KLHL32: variants seen among roughly 807,000 people sequenced by gnomAD.
KLHL32 encodes kelch like family member 32.
A neutral mutation model predicts 64.8 loss-of-function variants in KLHL32; 35 were observed. The observed-to-expected ratio is 0.54, with a 90% confidence interval of 0.41 to 0.72. The LOEUF (loss-of-function observed/expected upper bound fraction) is 0.72. KLHL32 is among the 30% of genes least tolerant of loss of function. The probability of loss-of-function intolerance (pLI) is 0.00; values close to 1 mark genes in which losing one functional copy is unlikely to be tolerated. For synonymous variants in KLHL32, 259 were observed against 281.0 expected, an observed-to-expected ratio of 0.92 and a Z score of 0.78; for missense variants, 589 against 768.5, an observed-to-expected ratio of 0.77 and a Z score of 2.76.
chr6:97,005,047 G>A (rs1260391343), intron 3 of KLHL32, among the ~76,000 whole-genome samples: 1 of 152,030 alleles, frequency 6.6e-6, no homozygotes, highest in African/African-American at 2.4e-5. Flanking sequence ...AATAGTTTTA[G>A]TGGGAATGGT....
At chr6:97,109,923 T>A (rs190609199) in intron 6 of KLHL32, among the ~76,000 whole-genome samples, 1 of 152,182 alleles carries the variant, frequency 6.6e-6, no homozygotes, top group Non-Finnish European at 1.5e-5. Flanking sequence ...GTTTCAGAAA[T>A]TTTTCCCTGG....
At chr6:97,126,275 A>G (rs553043390) in intron 7 of KLHL32, among the ~76,000 whole-genome samples, 8 of 152,036 alleles carry the variant, frequency 5.3e-5, no homozygotes, top group African/African-American at 1.9e-4. Context: ...CTTTGGTCCC[A>G]TATCCTTGAT....
At chr6:96,946,470 T>G (rs1771931395) in intron 1 of KLHL32, among the ~76,000 whole-genome samples, 1 of 152,212 alleles carries the variant, frequency 6.6e-6, no homozygotes, top group Non-Finnish European at 1.5e-5. Context: ...CCCAAGAACC[T>G]AGAAGTGCCT....
chr6:97,010,614 A>G (rs1347123701), intron 3 of KLHL32, among the ~76,000 whole-genome samples: 4 of 152,210 alleles, frequency 2.6e-5, no homozygotes, highest in African/African-American at 7.2e-5. Context: ...AGGAACCACA[A>G]AAGTGTTTTC....
intron 3 of KLHL32, among the ~76,000 whole-genome samples, chr6:96,991,030 C>T (rs1200627895): frequency 6.6e-6 from 1 of 152,052 alleles, no homozygotes; most frequent in African/African-American, 2.4e-5. Flanking sequence ...GGTGACTGCA[C>T]TACTGGCCCT....
the KLHL32 span, among the ~76,000 whole-genome samples, chr6:96,903,894 G>A: frequency 6.6e-6 from 1 of 152,110 alleles, no homozygotes; most frequent in African/African-American, 2.4e-5. Flanking sequence ...AAGGAAATAA[G>A]AATTATAAAT....
chr6:96,992,612 G>A (rs139796112), intron 3 of KLHL32, among the ~76,000 whole-genome samples: 82 of 152,310 alleles, frequency 5.4e-4, no homozygotes, highest in African/African-American at 1.9e-3. Flanking sequence ...ATACGTGCGC[G>A]CATGTGAGTG....
At chr6:96,926,502 A>G (rs1378548201) in intron 1 of KLHL32, among the ~76,000 whole-genome samples, 1 of 152,246 alleles carries the variant, frequency 6.6e-6, no homozygotes, top group Non-Finnish European at 1.5e-5. Flanking sequence ...TTTAAAGCTG[A>G]GGAACCCAAG....
upstream of KLHL32, among the ~76,000 whole-genome samples, chr6:96,924,141 C>G (rs1326853722): frequency 6.6e-6 from 1 of 152,174 alleles, no homozygotes; most frequent in Non-Finnish European, 1.5e-5. Context: ...CTGGTCAGTA[C>G]CATAGAGTGT....
intron 6 of KLHL32, among the ~76,000 whole-genome samples, chr6:97,092,389 C>T (rs999577445): frequency 1.3e-5 from 2 of 152,196 alleles, no homozygotes; most frequent in African/African-American, 2.4e-5. Context: ...GTTACCATTT[C>T]TTAAACTCAT....
intron 3 of KLHL32, among the ~76,000 whole-genome samples, chr6:97,011,143 C>A (rs1244531895): frequency 6.6e-6 from 1 of 152,156 alleles, no homozygotes; most frequent in Non-Finnish European, 1.5e-5. Flanking sequence ...CATATCATTG[C>A]TAGGTCATTT....
intron 3 of KLHL32, among the ~76,000 whole-genome samples, chr6:97,017,464 A>C (rs988906590): frequency 2.0e-5 from 3 of 152,228 alleles, no homozygotes; most frequent in Non-Finnish European, 2.9e-5. Context: ...AGAGGGACTG[A>C]TGGAACAGAT....
At chr6:96,976,258 A>G in intron 3 of KLHL32, 81 bp downstream of exon 3, 2 of 1,313,080 alleles carry the variant, frequency 1.5e-6, no homozygotes, top group South Asian at 1.5e-5. Context: ...CTAAACCAGG[A>G]GCCAATTAGG....
At position 96,946,224 on chromosome 6, in the gene KLHL32, A is replaced by T. The variant is rs1771900200; in HGVS notation, c.-65-20772A>T. On this transcript the variant is annotated intron_variant, in intron 1 of 10. Coordinates refer to ENST00000369261, the MANE Select transcript of KLHL32 (RefSeq NM_052904.4). ...TTAAGTGATATCTCCTTTTAGACCA[A>T]TCTAACCATTAAGAATAGATATATA... Among the ~76,000 whole-genome samples the T allele has an allele frequency of 2.6e-5, 4 of 152,212 alleles. No individual in the cohort carries two copies. The South Asian group carries it at 8.3e-4, about 31-fold the overall frequency.
chr6:96,934,521 T>C (rs1409670232), intron 1 of KLHL32, among the ~76,000 whole-genome samples: 2 of 152,234 alleles, frequency 1.3e-5, no homozygotes, highest in African/African-American at 4.8e-5. Flanking sequence ...AGTGGACATT[T>C]AAACAACACA....
intron 3 of KLHL32, among the ~76,000 whole-genome samples, chr6:96,981,535 A>G (rs1247768765): frequency 5.3e-5 from 8 of 152,076 alleles, no homozygotes; most frequent in Non-Finnish European, 1.2e-4. Flanking sequence ...TATGATTTTT[A>G]GAATCTCAAT....
Position 97,085,170 on chromosome 6 carries a change from C to A in KLHL32, c.456C>A (p.Asp152Glu). The A allele has an allele frequency of 6.2e-7, 1 of 1,613,948 alleles. No individual in the cohort carries two copies. Among genetic ancestry groups the A allele is most frequent in the Non-Finnish European group, 8.5e-7 (1 of 1,180,002 alleles). Residue 152 changes from aspartate to glutamate, a missense_variant, in exon 6 of 11, where the codon GAC (aspartate) becomes GAA (glutamate). Physicochemically the swap from Asp to Glu is conservative, Grantham distance 45 (BLOSUM62 2). This residue lies in a region of KLHL32 where 191 missense variants were observed against 223.3 expected (regional missense o/e 0.86). Coordinates refer to ENST00000369261, the MANE Select transcript of KLHL32 (RefSeq NM_052904.4). ...FNYLDLYRLA[D>E]LFNLTLLEKA... is the part of the protein sequence containing the mutation. Reference sequence around the variant, plus strand: ...ACTTGGATCTGTACAGACTTGCTGACCTCTTTAACCTCACTTTGTTGGAGA... The same window carrying A: ...ACTTGGATCTGTACAGACTTGCTGAACTCTTTAACCTCACTTTGTTGGAGA...
intron 5 of KLHL32, 109 bp downstream of exon 5, chr6:97,064,835 G>A (rs775713059): frequency 1.1e-5 from 9 of 839,388 alleles, no homozygotes; most frequent in Non-Finnish European, 1.7e-5. Context: ...GGGGTGGGGT[G>A]TGGGCTGTGG....
intron 4 of KLHL32, among the ~76,000 whole-genome samples, chr6:97,053,303 A>G (rs1766467): frequency 0.12 from 17,742 of 152,158 alleles, 1,094 homozygotes; most frequent in African/African-American, 0.15. Context: ...AGGGATCTTA[A>G]TGTTAGTTGT....
Sources: allele counts gnomAD v4.1 joint callset (sites outside exome capture counted in the v4.1 genomes callset), GRCh38; gene constraint gnomAD v4.1.1; regional missense constraint gnomAD v4.1.1; transcripts MANE v1.5; gene names NCBI Gene and HGNC (gene_info 2026-07-23, HGNC 2026-07-21).